Variants in NLRC4 observed in about 807,000 individuals in gnomAD.
NLRC4 encodes NLR family CARD domain-containing protein 4.
In NLRC4, 63 loss-of-function variants were observed where a neutral mutation model predicts 79.9. The ratio of observed to expected loss-of-function variants is 0.79; its 90% CI spans 0.64 to 0.97. NLRC4 has a LOEUF of 0.97. Ranked by LOEUF, NLRC4 falls within the 50% of genes least tolerant of loss-of-function variation. The probability of loss-of-function intolerance (pLI) is 0.00; values close to 1 mark genes in which losing one functional copy is unlikely to be tolerated. For synonymous variants in NLRC4, 461 were observed against 456.5 expected (o/e 1.01, Z -0.12); for missense variants, 1,074 against 1,215.2 (o/e 0.88, Z 1.73).
rs61379576 is a variant in NLRC4 at position 32,254,613 on chromosome 2, GTTT to G, written c.2-1937_2-1935del. The stretch of plus-strand genomic sequence containing the variant: ...TTCTTCCTGGGCTAGGCTGCTCCTG[GTTT>G]TTTTTTTTTTTTTTTTTTTCAGACG... On this transcript the variant is annotated intron_variant, in intron 2 of 8. Coordinates refer to ENST00000402280, the MANE Select transcript of NLRC4 (RefSeq NM_001199138.2). Among the ~76,000 whole-genome samples the G allele has an allele frequency of 1.4e-3, 136 of 95,244 alleles. 1 individual carries two copies. Among genetic ancestry groups the G allele is most frequent in the African/African-American group, 5.8e-3 (133 of 22,980 alleles). The allele number at this position is 95,244 out of a possible 152,430, so 62.5% of individuals were successfully genotyped here.
Position 32,250,436 on chromosome 2 carries a change from T to C in NLRC4, c.1428A>G (p.Lys476=). ...ATGTAATGTCCGAAATGGAAACCATTTTCTGCAAGTAACCATTCCCCTTGG... is the reference window on the plus strand; with the variant it reads ...ATGTAATGTCCGAAATGGAAACCATCTTCTGCAAGTAACCATTCCCCTTGG... ...EVTKGNGYLQ[K]MVSISDITST... Residue 476 remains lysine, a synonymous_variant, in exon 4 of 9, where the codon AAA becomes AAG. Coordinates refer to ENST00000402280, the MANE Select transcript of NLRC4 (RefSeq NM_001199138.2). This position sits in a 1 kb window ranked among gnomAD's most constrained non-coding sequence, Gnocchi z 4.9. 1 of 1,614,180 alleles carries C rather than the reference T, an allele frequency of 6.2e-7. No homozygotes were observed. Among genetic ancestry groups the C allele is most frequent in the Non-Finnish European group, 8.5e-7 (1 of 1,180,034 alleles).
chr2:32,233,485 C>A (rs2148932746), intron 8 of NLRC4, among the ~76,000 whole-genome samples: 1 of 151,544 alleles, frequency 6.6e-6, no homozygotes, highest in South Asian at 2.1e-4. Context: ...AGCTACCACA[C>A]CCAGCCTATT....
intron 4 of NLRC4, among the ~76,000 whole-genome samples, chr2:32,247,454 A>G (rs1008588308): frequency 6.6e-6 from 1 of 151,102 alleles, no homozygotes; most frequent in African/African-American, 2.4e-5. Context: ...AGCTGGGACT[A>G]CAGGCATGTG....
At chr2:32,262,657 T>C (rs1264098814) in intron 1 of NLRC4, among the ~76,000 whole-genome samples, 2 of 152,028 alleles carry the variant, frequency 1.3e-5, no homozygotes, top group African/African-American at 4.8e-5. Flanking sequence ...ACACCTGTAA[T>C]CCCAGCTACT....
intron 4 of NLRC4, among the ~76,000 whole-genome samples, 167 bp from the exon 5 acceptor site, chr2:32,241,292 A>G (rs1250725403): frequency 6.6e-6 from 1 of 151,810 alleles, no homozygotes; most frequent in Non-Finnish European, 1.5e-5. Context: ...AGAGATGGGC[A>G]TTATACTTCA....
chr2:32,229,389 C>T (rs1686478863), intron 8 of NLRC4, among the ~76,000 whole-genome samples: 1 of 152,092 alleles, frequency 6.6e-6, no homozygotes, highest in African/African-American at 2.4e-5. Context: ...ACTTGAGATT[C>T]AGAGAAGCGA....
chr2:32,251,954 G>A (rs1687089036), intron 3 of NLRC4, among the ~76,000 whole-genome samples: 1 of 152,100 alleles, frequency 6.6e-6, no homozygotes, highest in South Asian at 2.1e-4. Context: ...AGTAAAATCT[G>A]TCATGACCTT....
At chr2:32,249,553 C>T in intron 4 of NLRC4, 54 bp downstream of exon 4, 1 of 1,374,854 alleles carries the variant, frequency 7.3e-7, no homozygotes, top group Non-Finnish European at 9.9e-7. Context: ...CAAATTTATA[C>T]ACTGTTATTT....
At chr2:32,245,668 C>T (rs1007806341) in intron 4 of NLRC4, among the ~76,000 whole-genome samples, 1 of 152,062 alleles carries the variant, frequency 6.6e-6, no homozygotes, top group Admixed American at 6.5e-5. Flanking sequence ...GATGGATACT[C>T]CATTTTCCAT....
At position 32,224,743 on chromosome 2, in the gene NLRC4, AGGGTT is replaced by A; in HGVS notation, c.2800_2804del (p.Asn934SerfsTer17). 1 of 1,589,104 alleles carries A rather than the reference AGGGTT, an allele frequency of 6.3e-7. No homozygotes were observed. The highest frequency in any genetic ancestry group is 8.6e-7 in the Non-Finnish European group (1 of 1,168,952). On this transcript the variant is annotated frameshift_variant, in exon 9 of 9. Transcript: ENST00000402280. LOFTEE classifies it high-confidence loss of function. ...AATTCAACTGCTGGAAGTTTTTCAG[AGGGTT>A]CTTTCCAAAAAATGCACCTGGGTAA...
intron 5 of NLRC4, among the ~76,000 whole-genome samples, chr2:32,238,575 G>A (rs1438897032): frequency 6.6e-6 from 1 of 152,048 alleles, no homozygotes; most frequent in African/African-American, 2.4e-5. Flanking sequence ...TTTTTAATGG[G>A]CATCAATGTA....
At chr2:32,261,558 C>T (rs954314164) in intron 1 of NLRC4, among the ~76,000 whole-genome samples, 14 of 149,284 alleles carry the variant, frequency 9.4e-5, no homozygotes, top group African/African-American at 3.4e-4. Flanking sequence ...GATCTGCCTG[C>T]CTCGGCCTCC....
chr2:32,236,279 T>C lies in NLRC4; in HGVS notation c.2582A>G (p.Glu861Gly), dbSNP rs761293910. 3 of 1,611,950 alleles carry C rather than the reference T, an allele frequency of 1.9e-6. No homozygotes were observed. Among genetic ancestry groups the C allele is most frequent in the Non-Finnish European group, 1.7e-6 (2 of 1,178,810 alleles). ...ATGAAGAGCTTCATTTCCATCTTTT[T>C]CCAGGTAATTTTCTGATAAATCAAG... ...SILDLSENYL[E>G]KDGNEALHEL... The change falls in exon 7 of 9, where the codon GAA becomes GGA. Residue 861 changes from glutamate to glycine, a missense_variant. Transcript: ENST00000402280.
In NLRC4 at chr2:32,249,134, T is replaced by C. The variant is rs576244035; in HGVS notation, c.2257+473A>G. On this transcript the variant is annotated intron_variant, in intron 4 of 8. Transcript: ENST00000402280. Reference sequence around the variant, plus strand: ...TCATTTAAAGGGGTGTACAATCTTTTGGTTTCCCTGGGCCACATTGGAAGA... The same window carrying C: ...TCATTTAAAGGGGTGTACAATCTTTCGGTTTCCCTGGGCCACATTGGAAGA... Among the ~76,000 whole-genome samples, 560 of 152,338 alleles carry C rather than the reference T, an allele frequency of 3.7e-3. 1 individual carries two copies. Among genetic ancestry groups the C allele is most frequent in the Non-Finnish European group, 5.2e-3 (352 of 68,034 alleles).
intron 4 of NLRC4, among the ~76,000 whole-genome samples, chr2:32,241,521 C>A (rs1686801602): frequency 6.6e-6 from 1 of 151,838 alleles, no homozygotes; most frequent in Non-Finnish European, 1.5e-5. Context: ...GGACTACAGG[C>A]ACCTGCCACC....
chr2:32,238,476 C>T (rs1278770927), intron 5 of NLRC4, among the ~76,000 whole-genome samples, 174 bp from the exon 6 acceptor site: 2 of 152,200 alleles, frequency 1.3e-5, no homozygotes, highest in African/African-American at 4.8e-5. Flanking sequence ...TCAATTCTCA[C>T]TTTCCAGTCT....
At chr2:32,259,287 T>TTTTTC (rs1283926253) in intron 1 of NLRC4, among the ~76,000 whole-genome samples, 1 of 135,412 alleles carries the variant, frequency 7.4e-6, no homozygotes, top group African/African-American at 2.9e-5. Context: ...TTTTTTTTTT[T>TTTTTC]TTTAGAGACA....
Position 32,226,480 on chromosome 2 carries a change from G to A in NLRC4, c.2783-1715C>T, listed in dbSNP as rs560014426. Among the ~76,000 whole-genome samples the A allele has an allele frequency of 6.0e-4, 91 of 152,174 alleles. 1 individual carries two copies. The highest frequency in any genetic ancestry group is 9.8e-4 in the Non-Finnish European group (67 of 68,040). On this transcript the variant is annotated intron_variant, in intron 8 of 8. Coordinates refer to ENST00000402280, the MANE Select transcript of NLRC4 (RefSeq NM_001199138.2). ...GATGCTAGCGGCTAAAGTGGGCAAA[G>A]CCAGGTAAGGAGATGATTCACAGGG...
chr2:32,233,990 T>C (rs984668602), intron 8 of NLRC4, among the ~76,000 whole-genome samples: 1 of 152,144 alleles, frequency 6.6e-6, no homozygotes, highest in Non-Finnish European at 1.5e-5. Flanking sequence ...TATGTGTGTG[T>C]ATATATGGGA....
Sources: allele counts gnomAD v4.1 joint callset (sites outside exome capture counted in the v4.1 genomes callset), GRCh38; gene constraint gnomAD v4.1.1; non-coding constraint Gnocchi (gnomAD v3.1); transcripts MANE v1.5; gene names NCBI Gene and HGNC (gene_info 2026-07-23, HGNC 2026-07-21).